DOCK8: variants seen among roughly 807,000 people sequenced by gnomAD.
DOCK8 encodes the protein dedicator of cytokinesis protein 8.
DOCK8 carries 141 observed loss-of-function variants against 245.6 expected under a neutral mutation model. The observed-to-expected ratio is 0.57, with a 90% CI of 0.50 to 0.66. DOCK8 has a LOEUF of 0.66. DOCK8 is among the 30% of genes least tolerant of loss of function. The probability of loss-of-function intolerance (pLI) is 0.00; values close to 1 mark genes in which losing one functional copy is unlikely to be tolerated. For missense variants in DOCK8, 2,965 were observed against 2,603.4 expected, an observed-to-expected ratio of 1.14 and a Z score of -3.02; for synonymous variants, 1,168 against 970.2, an observed-to-expected ratio of 1.20 and a Z score of -3.79.
At chr9:218,847 T>C (rs1563815659) in intron 1 of DOCK8, among the ~76,000 whole-genome samples, 1 of 152,234 alleles carries the variant, frequency 6.6e-6, no homozygotes, top group African/African-American at 2.4e-5. Context: ...GAATGCTTTC[T>C]ATGTGGCAGA....
upstream of DOCK8, chr9:213,700 A>C (rs2046661352): frequency 6.7e-6 from 1 of 150,374 alleles, no homozygotes; most frequent in African/African-American, 2.5e-5. Context: ...TAAATAGTGC[A>C]GGTTTGAACC....
intron 29 of DOCK8, among the ~76,000 whole-genome samples, chr9:416,997 C>G (rs2056047992): frequency 6.6e-6 from 1 of 152,118 alleles, no homozygotes; most frequent in African/African-American, 2.4e-5. Flanking sequence ...ATAAGTATTT[C>G]TAAAAATTGG....
chr9:247,396 G>C (rs1368758276), intron 1 of DOCK8, among the ~76,000 whole-genome samples: 1 of 152,132 alleles, frequency 6.6e-6, no homozygotes, highest in African/African-American at 2.4e-5. Flanking sequence ...TTAACTGAGA[G>C]GGTATTTTCG....
At chr9:354,257 G>A (rs1173805341) in intron 14 of DOCK8, among the ~76,000 whole-genome samples, 2 of 152,146 alleles carry the variant, frequency 1.3e-5, no homozygotes, top group Non-Finnish European at 2.9e-5. Flanking sequence ...ACTTGAACCC[G>A]AGAGGTGGAG....
intron 18 of DOCK8, 81 bp downstream of exon 18, chr9:372,367 A>G: frequency 6.4e-6 from 7 of 1,097,660 alleles, no homozygotes; most frequent in Non-Finnish European, 9.8e-6. Flanking sequence ...TTCCATTCCC[A>G]TGTGGCCATG....
chr9:403,873 T>C (rs903978561), intron 26 of DOCK8, among the ~76,000 whole-genome samples: 1 of 87,042 alleles, frequency 1.1e-5, no homozygotes, highest in East Asian at 3.4e-4. Context: ...TCTCTCTCTC[T>C]CTCTCTCTCT....
chr9:397,042 C>A, intron 25 of DOCK8, 108 bp downstream of exon 25: 1 of 1,291,888 alleles, frequency 7.7e-7, no homozygotes, highest in Non-Finnish European at 1.1e-6. Context: ...TAAAATATAA[C>A]TGTAATGACA....
intron 26 of DOCK8, among the ~76,000 whole-genome samples, chr9:400,572 C>T (rs1247835871): frequency 1.1e-5 from 1 of 94,960 alleles, no homozygotes; most frequent in Non-Finnish European, 1.9e-5. Flanking sequence ...ATCACCACCA[C>T]CACCTCCACC....
At chr9:445,268 G>A (rs930196000) in intron 43 of DOCK8, among the ~76,000 whole-genome samples, 2 of 152,160 alleles carry the variant, frequency 1.3e-5, no homozygotes, top group Non-Finnish European at 2.9e-5. Context: ...TCCCAGGGTA[G>A]GTTGTGAGAG....
At chr9:247,513 T>A (rs1354489931) in intron 1 of DOCK8, among the ~76,000 whole-genome samples, 1 of 152,164 alleles carries the variant, frequency 6.6e-6, no homozygotes, top group Non-Finnish European at 1.5e-5. Flanking sequence ...CTGGCCACTG[T>A]TATTGCTGTT....
At chr9:315,788 C>T (rs1029365868) in intron 6 of DOCK8, among the ~76,000 whole-genome samples, 5 of 152,072 alleles carry the variant, frequency 3.3e-5, no homozygotes, top group African/African-American at 9.7e-5. Context: ...AAAATTTTCC[C>T]AATGAAAATC....
At chr9:339,132 G>A (rs2051453371) in intron 13 of DOCK8, 33 bp downstream of exon 13, 1 of 1,564,744 alleles carries the variant, frequency 6.4e-7, no homozygotes, top group East Asian at 2.2e-5. Context: ...CTCTTTAGCT[G>A]TGCCAAAACT....
At position 214,998 on chromosome 9, in the gene DOCK8, G is replaced by C; in HGVS notation, c.22G>C (p.Glu8Gln). ...GGCCATGGCCACTCTGCCGAGCGCAGAGCGCCGCGCGTTCGCGCTCAAGAT... is the reference window on the plus strand; with the variant it reads ...GGCCATGGCCACTCTGCCGAGCGCACAGCGCCGCGCGTTCGCGCTCAAGAT... Reference protein sequence around the residue: MATLPSAERRAFALKINR... With the variant: MATLPSAQRRAFALKINR... Residue 8 changes from glutamate to glutamine, a missense_variant, in exon 1 of 48, where the codon GAG becomes CAG. This residue lies in a region of DOCK8 where 2,825 missense variants were observed against 2,453.5 expected (regional missense o/e 1.15). Transcript: ENST00000432829. The C allele has an allele frequency of 3.1e-6, 5 of 1,596,920 alleles. No individual in the cohort carries two copies. Among genetic ancestry groups the C allele is most frequent in the Non-Finnish European group, 4.3e-6 (5 of 1,175,770 alleles).
chr9:246,387 A>G (rs1322738543), intron 1 of DOCK8, among the ~76,000 whole-genome samples: 2 of 152,132 alleles, frequency 1.3e-5, no homozygotes, highest in Non-Finnish European at 2.9e-5. Context: ...AAAAACAGCC[A>G]GACATGGTTG....
intron 4 of DOCK8, among the ~76,000 whole-genome samples, chr9:298,269 A>G (rs1011185875): frequency 6.6e-6 from 1 of 152,178 alleles, no homozygotes; most frequent in Admixed American, 6.5e-5. Context: ...TACTAAAAAT[A>G]CAAAAATTAG....
At chr9:272,613 C>A (rs1427260044) in intron 2 of DOCK8, among the ~76,000 whole-genome samples, 1 of 152,168 alleles carries the variant, frequency 6.6e-6, no homozygotes, top group Non-Finnish European at 1.5e-5. Flanking sequence ...TCTTGAACTC[C>A]TGGGCTCAAG....
intron 33 of DOCK8, among the ~76,000 whole-genome samples, chr9:423,585 G>A (rs1340859060): frequency 1.3e-5 from 2 of 152,178 alleles, no homozygotes; most frequent in Non-Finnish European, 2.9e-5. Flanking sequence ...GGACTTTGGG[G>A]AGTCACATTT....
At chr9:307,338 G>GTTTTTTTTTTTT (rs1165775428) in intron 5 of DOCK8, among the ~76,000 whole-genome samples, 23 of 51,234 alleles carry the variant, frequency 4.5e-4, no homozygotes, top group African/African-American at 9.2e-4. Flanking sequence ...GGTTTTTTTT[G>GTTTTTTTTTTTT]TTTTTTTTTT....
rs550568093 is a variant in DOCK8, at chr9:340,095, C to G, written c.1517-64C>G. 87 of 1,568,008 alleles carry G rather than the reference C, an allele frequency of 5.5e-5. 1 individual carries two copies. The African/African-American group carries it at 8.4e-4, about 15-fold the overall frequency. ...CATGAAAGAAACACAGTGCAACAATCTTTCTTGATTCCCTCATAACATGAC... is the reference window on the plus strand; with the variant it reads ...CATGAAAGAAACACAGTGCAACAATGTTTCTTGATTCCCTCATAACATGAC... On this transcript the variant is annotated intron_variant, in intron 13 of 47. Transcript: ENST00000432829.
Sources: allele counts gnomAD v4.1 joint callset (sites outside exome capture counted in the v4.1 genomes callset), GRCh38; gene constraint gnomAD v4.1.1; regional missense constraint gnomAD v4.1.1; transcripts MANE v1.5; gene names NCBI Gene and HGNC (gene_info 2026-07-23, HGNC 2026-07-21).